Variants in KDM4B observed in about 807,000 individuals in gnomAD.
The protein encoded by KDM4B is lysine demethylase 4B.
In KDM4B, 32 loss-of-function variants were observed where a neutral mutation model predicts 125.2. The observed-to-expected ratio is 0.26, with a 90% CI of 0.19 to 0.34. The LOEUF is 0.34. Ranked by LOEUF, KDM4B falls within the 10% of genes least tolerant of loss-of-function variation. KDM4B has a pLI of 1.00. For missense variants in KDM4B, 1,190 were observed against 1,577.7 expected (o/e 0.75, Z 4.16); for synonymous variants, 721 against 677.9 (o/e 1.06, Z -0.99).
intron 6 of KDM4B, among the ~76,000 whole-genome samples, chr19:5,066,234 G>A (rs972401768): frequency 2.6e-5 from 4 of 152,220 alleles, no homozygotes; most frequent in Non-Finnish European, 5.9e-5. Flanking sequence ...AAAGTGTAAC[G>A]TTGGTGACAT....
chr19:5,047,814 G>A (rs573597445), intron 6 of KDM4B, 145 bp downstream of exon 6: 10 of 753,186 alleles, frequency 1.3e-5, no homozygotes, highest in South Asian at 8.9e-5. Context: ...GAGATCTTCC[G>A]GACCGCCTGG....
intron 3 of KDM4B, among the ~76,000 whole-genome samples, chr19:5,039,382 G>A (rs1045220465): frequency 1.6e-4 from 24 of 152,158 alleles, no homozygotes; most frequent in Admixed American, 1.6e-3. Flanking sequence ...GTGAGTCCAG[G>A]AGTTGGAGGC....
intron 6 of KDM4B, among the ~76,000 whole-genome samples, chr19:5,067,406 C>A (rs2037806768): frequency 6.6e-6 from 1 of 152,170 alleles, no homozygotes; most frequent in South Asian, 2.1e-4. Context: ...CTGCCCCTGG[C>A]TTAGGGAGAG....
At chr19:5,071,301 G>A (rs1036061355) in intron 7 of KDM4B, among the ~76,000 whole-genome samples, 9 of 152,212 alleles carry the variant, frequency 5.9e-5, no homozygotes, top group Admixed American at 1.3e-4. Flanking sequence ...ATGCCCAGAC[G>A]CTCCTGTTTT....
chr19:5,111,563 A>G (rs1201674803), intron 10 of KDM4B: 2 of 757,662 alleles, frequency 2.6e-6, no homozygotes, highest in Non-Finnish European at 4.8e-6. Context: ...CGGCCTCCCC[A>G]GCCCCTCCTC....
intron 9 of KDM4B, among the ~76,000 whole-genome samples, chr19:5,084,519 AATTATATATGTTATTTATAT>A (rs1239024391): frequency 8.3e-5 from 5 of 59,892 alleles, no homozygotes; most frequent in African/African-American, 3.3e-4. Flanking sequence ...TATAAATATA[AATTATATATGTTATTTATAT>A]ATTATATATA....
chr19:5,052,833 G>C (rs1233835962), intron 6 of KDM4B, among the ~76,000 whole-genome samples: 1 of 152,234 alleles, frequency 6.6e-6, no homozygotes, highest in African/African-American at 2.4e-5. Context: ...TTGTACTGCT[G>C]CTGCTGGCGA....
intron 6 of KDM4B, among the ~76,000 whole-genome samples, chr19:5,058,572 G>A (rs2037481834): frequency 6.6e-6 from 1 of 152,070 alleles, no homozygotes; most frequent in Non-Finnish European, 1.5e-5. Context: ...CCAGGGCCTG[G>A]GTGTGGTGGG....
intron 9 of KDM4B, among the ~76,000 whole-genome samples, chr19:5,098,851 T>G (rs1389886979): frequency 1.3e-5 from 2 of 152,156 alleles, no homozygotes; most frequent in Non-Finnish European, 2.9e-5. Flanking sequence ...ATCTTGGACT[T>G]CCCAGCCTCC....
chr19:5,088,790 A>T (rs1229048683), intron 9 of KDM4B, among the ~76,000 whole-genome samples: 2 of 151,970 alleles, frequency 1.3e-5, no homozygotes. Flanking sequence ...CCCTTGGGGC[A>T]GATACAGAAG....
At chr19:5,146,236 A>ACCCCCCCCGCTCCAGGACC (rs2039842570) in intron 21 of KDM4B, among the ~76,000 whole-genome samples, 4 of 112,674 alleles carry the variant, frequency 3.6e-5, no homozygotes, top group Non-Finnish European at 5.6e-5. Context: ...AGCATCCAGG[A>ACCCCCCCCGCTCCAGGACC]CCCCCCCCGC....
chr19:5,092,366 A>G (rs1017007208), intron 9 of KDM4B, among the ~76,000 whole-genome samples: 1 of 152,162 alleles, frequency 6.6e-6, no homozygotes, highest in African/African-American at 2.4e-5. Flanking sequence ...CCATGGGGGC[A>G]GGGCCACCCA....
At chr19:4,982,938 G>A (rs980440539) in intron 1 of KDM4B, among the ~76,000 whole-genome samples, 5 of 152,058 alleles carry the variant, frequency 3.3e-5, no homozygotes, top group Admixed American at 2.6e-4. Flanking sequence ...TTAAGGCAGC[G>A]CTGTCCAGTG....
Position 5,131,505 on chromosome 19 carries a change from C to T in KDM4B, c.1745C>T (p.Ala582Val), listed in dbSNP as rs776461495. 1.4e-6 allele frequency: 2 copies of T among 1,426,240 alleles called. No individual in the cohort carries two copies. Among genetic ancestry groups the T allele is most frequent in the South Asian group, 2.4e-5 (2 of 84,036 alleles). The allele number at this position is 1,426,240 out of a possible 1,614,324, so 88.3% of individuals were successfully genotyped here. ...GAGGACGGTGCAGCCAGCAGTGGGG[C>T]AGGTCGCATGGAGACCAAAGCCCGG... is the stretch of plus-strand genomic sequence containing the variant. ...GPEDGAASSG[A>V]GRMETKARAG... is the part of the protein sequence containing the mutation. Residue 582 changes from alanine to valine, a missense_variant, in exon 12 of 23, where the codon GCA becomes GTA. Ala to Val is a moderately conservative substitution (Grantham distance 64). Transcript: ENST00000159111.
At chr19:5,084,521 TTATA>T (rs1364076045) in intron 9 of KDM4B, among the ~76,000 whole-genome samples, 1 of 57,942 alleles carries the variant, frequency 1.7e-5, no homozygotes. Flanking sequence ...TAAATATAAA[TTATA>T]TATGTTATTT....
chr19:4,994,242 A>G (rs2035126713), intron 1 of KDM4B, among the ~76,000 whole-genome samples: 1 of 150,740 alleles, frequency 6.6e-6, no homozygotes. Flanking sequence ...CACTGTGCCC[A>G]GCCTATTTTC....
intron 1 of KDM4B, among the ~76,000 whole-genome samples, chr19:4,977,072 TC>T (rs2034472414): frequency 6.6e-6 from 1 of 152,156 alleles, no homozygotes; most frequent in Non-Finnish European, 1.5e-5. Flanking sequence ...CCCCTCTCTC[TC>T]CCTGCTTCTC....
rs1184851843 is a variant in KDM4B, at chr19:5,142,258, C to G, written c.2551-1709C>G. Among the ~76,000 whole-genome samples the G allele has an allele frequency of 1.3e-5, 2 of 152,144 alleles. No individual in the cohort carries two copies. Among genetic ancestry groups the G allele is most frequent in the Non-Finnish European group, 2.9e-5 (2 of 68,008 alleles). ...GTAGACCCTGACTCCCCGGCACACA[C>G]TGGCCTGGGCCAGGCCAGCACTGGA... On this transcript the variant is annotated intron_variant, in intron 18 of 22. Coordinates refer to ENST00000159111, the MANE Select transcript of KDM4B (RefSeq NM_015015.3). The surrounding 1 kb of genome is among the most constrained non-coding windows in gnomAD (Gnocchi z 5.4).
At chr19:5,088,279 C>G (rs370018653) in intron 9 of KDM4B, among the ~76,000 whole-genome samples, 4 of 152,182 alleles carry the variant, frequency 2.6e-5, no homozygotes, top group Non-Finnish European at 5.9e-5. Flanking sequence ...CAGCCAGATG[C>G]GCTCACATCC....
Sources: gnomAD v4.1 joint callset for allele counts (sites outside exome capture counted in the v4.1 genomes callset) on GRCh38, gnomAD v4.1.1 for gene constraint, Gnocchi (gnomAD v3.1) non-coding constraint, MANE v1.5 for transcripts, NCBI Gene and HGNC (gene_info 2026-07-23, HGNC 2026-07-21) for gene names.